OPLAH: variants seen among roughly 807,000 people sequenced by gnomAD.
The protein encoded by OPLAH is 5-oxoprolinase, ATP-hydrolysing.
OPLAH carries 103 observed loss-of-function variants against 122.8 expected under a neutral mutation model. That is an observed-to-expected ratio of 0.84 (90% confidence interval 0.71 to 0.99). The LOEUF is 0.99. Ranked by LOEUF, OPLAH falls within the 50% of genes least tolerant of loss-of-function variation. OPLAH has a pLI of 0.00. For synonymous variants in OPLAH, 875 were observed against 796.0 expected (o/e 1.10, Z -1.67); for missense variants, 1,902 against 1,836.5 (o/e 1.04, Z -0.65).
Position 144,058,622 on chromosome 8 carries a change from G to A in OPLAH, c.657C>T (p.Ser219=), listed in dbSNP as rs1388641286. ...RELGFTHVSL[S]SEAMPMVRIV... is the part of the protein sequence containing the mutation. ...TGCGCACCATGGGCATGGCCTCCGA[G>A]GACAGTGACACGTGCGTGAAGCCCA... The change falls in exon 6 of 27, where the codon TCC becomes TCT. Residue 219 remains serine (S), a synonymous_variant. Transcript: ENST00000618853. 6.2e-7 allele frequency: 1 copy of A among 1,603,270 alleles called. No individual in the cohort carries two copies. The highest frequency in any genetic ancestry group is 1.3e-5 in the African/African-American group (1 of 74,914).
rs781785809 is a variant in OPLAH, at chr8:144,051,950, G to C, written c.3588C>G (p.Thr1196=). ...FREEALLSVL[T]ERRAFRPYGL... is the part of the protein sequence containing the mutation. ...CGTATGGCCGGAAGGCGCGGCGCTC[G>C]GTCAGCACTGACAGCAGCGCCTCCT... The change falls in exon 25 of 27, where the codon ACC becomes ACG. Residue 1196 remains threonine (T), a synonymous_variant. Transcript: ENST00000618853. 13 of 1,556,380 alleles carry C rather than the reference G, an allele frequency of 8.4e-6. No individual in the cohort carries two copies. The highest frequency in any genetic ancestry group is 1.1e-5 in the Non-Finnish European group (13 of 1,159,708).
In OPLAH at chr8:144,052,719, G is replaced by T. The variant is rs782744542; in HGVS notation, c.3153+47C>A. On this transcript the variant is annotated intron_variant, in intron 22 of 26. Coordinates refer to ENST00000618853, the MANE Select transcript of OPLAH (RefSeq NM_017570.5). The stretch of plus-strand genomic sequence containing the variant: ...GGCTGGGCCCAGGAGGCGCACTCAG[G>T]GTGACCTCGGGCTGGGGCCCCCCCT... 1.9e-5 allele frequency: 29 copies of T among 1,551,340 alleles called. No individual in the cohort carries two copies. The East Asian group carries it at 7.0e-4, about 38-fold the overall frequency.
At chr8:144,058,444 AG>A in intron 6 of OPLAH, 40 bp from the exon 7 acceptor site, 1 of 1,576,086 alleles carries the variant, frequency 6.3e-7, no homozygotes, top group Non-Finnish European at 8.6e-7. Flanking sequence ...GGGCAGGCCA[AG>A]GCCCAGGCCC....
At chr8:144,059,830 G>T (rs1426355009) in intron 2 of OPLAH, 32 bp downstream of exon 2, 3 of 1,611,252 alleles carry the variant, frequency 1.9e-6, no homozygotes, top group Non-Finnish European at 2.5e-6. Flanking sequence ...CTGGCCGTGG[G>T]GTCCCTGTCC....
At chr8:144,050,538 G>C (rs1587547228), downstream of OPLAH, 1 of 985,644 alleles carries the variant, frequency 1.0e-6, no homozygotes, top group African/African-American at 1.7e-5. Context: ...TCTCTCTGCA[G>C]ACCACCGGCT....
intron 22 of OPLAH, 78 bp from the exon 23 acceptor site, chr8:144,052,676 C>T (rs1835413276): frequency 1.3e-6 from 2 of 1,535,010 alleles, no homozygotes; most frequent in African/African-American, 2.7e-5. Context: ...CGCCCCAGCA[C>T]CCGTGGGGTC....
chr8:144,057,656 G>C lies in OPLAH; in HGVS notation c.1214C>G (p.Ser405Cys). The C allele has an allele frequency of 6.2e-7, 1 of 1,606,880 alleles. No individual in the cohort carries two copies. Among genetic ancestry groups the C allele is most frequent in the Non-Finnish European group, 8.5e-7 (1 of 1,176,600 alleles). Residue 405 changes from serine to cysteine, a missense_variant, in exon 10 of 27, where the codon TCC becomes TGC. Ser to Cys is a moderately radical substitution (Grantham distance 112). Transcript: ENST00000618853. Reference protein sequence around the residue: ...NLVLGRLLPASFPCIFGPGEN... With the variant: ...NLVLGRLLPACFPCIFGPGEN... The stretch of plus-strand genomic sequence containing the variant: ...TCCCGGCCCAAAAATGCAGGGGAAG[G>C]AGGCAGGCAGCAGGCGACCCAGGAC...
rs375262758 is a variant in OPLAH, at chr8:144,056,239, C to T, written c.2004G>A (p.Glu668=). 177 of 1,611,886 alleles carry T rather than the reference C, an allele frequency of 1.1e-4. 1 individual carries two copies. In the South Asian group the frequency reaches 1.6e-3, roughly 15 times the overall value. The part of the protein sequence containing the change: ...RVDKMTQCYF[E]GGYQETPVYL... The stretch of plus-strand genomic sequence containing the variant: ...ACACAGGGGTCTCCTGGTAGCCCCC[C>T]TCAAAGTAGCACTGGGTCATCTGCA... The change falls in exon 15 of 27, where the codon GAG becomes GAA. Residue 668 remains glutamate (E), a synonymous_variant. Transcript: ENST00000618853.
chr8:144,052,509 G>A lies in OPLAH; in HGVS notation c.3243C>T (p.Leu1081=). Residue 1081 remains leucine, a synonymous_variant, in exon 23 of 27, where the codon CTC becomes CTT. Transcript: ENST00000618853. ...PEAAVVGGNV[L]TSQRVVDVIL... ...TGACATCCACCACGCGCTGCGACGTGAGCACGTTGCCGCCCACCACCGCCG... is the reference window on the plus strand; with the variant it reads ...TGACATCCACCACGCGCTGCGACGTAAGCACGTTGCCGCCCACCACCGCCG... 2 of 1,579,614 alleles carry A rather than the reference G, an allele frequency of 1.3e-6. No individual in the cohort carries two copies. Among genetic ancestry groups the A allele is most frequent in the Admixed American group, 1.8e-5 (1 of 56,582 alleles).
Position 144,055,032 on chromosome 8 carries a change from G to T in OPLAH, c.2406C>A (p.Phe802Leu). 2 of 1,495,700 alleles carry T rather than the reference G, an allele frequency of 1.3e-6. No homozygotes were observed. The highest frequency in any genetic ancestry group is 2.7e-5 in the South Asian group (2 of 75,212). 92.7% of individuals were successfully genotyped at this position (1,495,700 alleles called of 1,614,324 possible). Residue 802 changes from phenylalanine (F) to leucine (L), a missense_variant, in exon 17 of 27, where the codon TTC becomes TTA. Physicochemically the swap from Phe to Leu is conservative, Grantham distance 22. Transcript: ENST00000618853. The surrounding 1 kb of genome is among the most constrained non-coding windows in gnomAD (Gnocchi z 6.5). The part of the protein sequence containing the change: ...HLGAMQETVQ[F>L]QIQHLGADLH... ...GGTGAGGCGGGGGAAGGGCCACCTG[G>T]AACTGCACCGTCTCCTGCATGGCAC...
chr8:144,057,546 G>A lies in OPLAH; in HGVS notation c.1324C>T (p.Pro442Ser), dbSNP rs1554759623. ...TEVNSFLTNG[P>S]CPASPLSLEE... The stretch of plus-strand genomic sequence containing the variant: ...AGGCTCAGCGGGGAGGCCGGGCAGG[G>A]CCCGTTGGTCAGGAAGCTGTTGACC... The change falls in exon 10 of 27, where the codon CCC becomes TCC. Residue 442 changes from proline (P) to serine (S), a missense_variant. Coordinates refer to ENST00000618853, the MANE Select transcript of OPLAH (RefSeq NM_017570.5). 2 of 1,591,374 alleles carry A rather than the reference G, an allele frequency of 1.3e-6. No individual in the cohort carries two copies. Among genetic ancestry groups the A allele is most frequent in the East Asian group, 4.5e-5 (2 of 44,602 alleles).
At position 144,055,201 on chromosome 8, in the gene OPLAH, A is replaced by C; in HGVS notation, c.2249-12T>G. 6.6e-7 allele frequency: 1 copy of C among 1,504,954 alleles called. No homozygotes were observed. The highest frequency in any genetic ancestry group is 8.9e-7 in the Non-Finnish European group (1 of 1,128,008). The allele number at this position is 1,504,954 out of a possible 1,614,324, so 93.2% of individuals were successfully genotyped here. ...GCGGCCCATCTGCTCTAGGAGCACAAAGTGACCAGGCCCGCTGGCCCCACC... is the reference window on the plus strand; with the variant it reads ...GCGGCCCATCTGCTCTAGGAGCACACAGTGACCAGGCCCGCTGGCCCCACC... On this transcript the variant is annotated splice_polypyrimidine_tract_variant and intron_variant, in intron 16 of 26. Coordinates refer to ENST00000618853, the MANE Select transcript of OPLAH (RefSeq NM_017570.5). The surrounding 1 kb of genome is among the most constrained non-coding windows in gnomAD (Gnocchi z 6.5).
rs374624430 is a variant in OPLAH, at chr8:144,053,060, G to A, written c.2941C>T (p.Pro981Ser). The A allele has an allele frequency of 3.7e-6, 6 of 1,601,492 alleles. No individual in the cohort carries two copies. The highest frequency in any genetic ancestry group is 4.3e-6 in the Non-Finnish European group (5 of 1,175,240). Reference protein sequence around the residue: ...FGTSRQARGLPLEVSSEDHMD... With the variant: ...FGTSRQARGLSLEVSSEDHMD... ...TGGTCTTCCGAGGACACCTCCAGGG[G>A]CAGGCCCCGGGCCTGCCGGGAGGTT... The change falls in exon 21 of 27, where the codon CCC becomes TCC. Residue 981 changes from proline to serine, a missense_variant. Around this residue, in one of 3 missense-constraint regions of OPLAH, gnomAD observed 1,726 missense variants for 1,642.1 expected, o/e 1.05. Coordinates refer to ENST00000618853, the MANE Select transcript of OPLAH (RefSeq NM_017570.5).
intron 3 of OPLAH, among the ~76,000 whole-genome samples, chr8:144,059,326 G>A (rs782522235): frequency 1.7e-4 from 26 of 152,214 alleles, no homozygotes; most frequent in Admixed American, 3.3e-4. Flanking sequence ...CAGTAGGTGC[G>A]GGGTTCCACC....
chr8:144,056,831 A>G, intron 12 of OPLAH, 76 bp from the exon 13 acceptor site: 1 of 1,526,438 alleles, frequency 6.6e-7, no homozygotes, highest in South Asian at 1.3e-5. Flanking sequence ...CGGCAAGGAC[A>G]CCTGTTCTGC....
chr8:144,056,492 C>T lies in OPLAH; in HGVS notation c.1876G>A (p.Glu626Lys), dbSNP rs1406135753. 1.3e-5 allele frequency: 21 copies of T among 1,611,614 alleles called. No homozygotes were observed. Among genetic ancestry groups the T allele is most frequent in the Non-Finnish European group, 1.6e-5 (19 of 1,179,330 alleles). The change falls in exon 14 of 27, where the codon GAG (glutamate) becomes AAG (lysine). Residue 626 changes from glutamate to lysine, a missense_variant. Around this residue, in one of 3 missense-constraint regions of OPLAH, gnomAD observed 1,726 missense variants for 1,642.1 expected, o/e 1.05. Coordinates refer to ENST00000618853, the MANE Select transcript of OPLAH (RefSeq NM_017570.5). Reference protein sequence around the residue: ...YMREFGFVIPERPVVVDDVRV... With the variant: ...YMREFGFVIPKRPVVVDDVRV... ...ACATCGTCCACGACCACCGGCCGCT[C>T]AGGTATGACAAAGCCAAACTCCCTC...
upstream of OPLAH, among the ~76,000 whole-genome samples, chr8:144,061,750 C>T (rs1298024907): frequency 6.6e-6 from 1 of 152,138 alleles, no homozygotes; most frequent in African/African-American, 2.4e-5. Context: ...CGGCCTGGCA[C>T]GGTGGCTCAC....
rs782683650 is a variant in OPLAH, at chr8:144,056,233, G to T, written c.2010C>A (p.Gly670=). The T allele has an allele frequency of 6.2e-7, 1 of 1,611,910 alleles. No homozygotes were observed. The highest frequency in any genetic ancestry group is 2.2e-5 in the East Asian group (1 of 44,840). ...GCAGGTACACAGGGGTCTCCTGGTA[G>T]CCCCCCTCAAAGTAGCACTGGGTCA... ...DKMTQCYFEG[G]YQETPVYLLA... The change falls in exon 15 of 27, where the codon GGC becomes GGA. Residue 670 remains glycine, a synonymous_variant. Transcript: ENST00000618853.
chr8:144,053,248 G>A lies in OPLAH; in HGVS notation c.2832C>T (p.Tyr944=), dbSNP rs61732533. Residue 944 remains tyrosine (Y), a synonymous_variant, in exon 20 of 27, where the codon TAC becomes TAT. Transcript: ENST00000618853. ...TGTAGGCCTGCACCACGTCCAGGCCGTACTGCCCAATGAGCTCCCCCACCA... is the reference window on the plus strand; with the variant it reads ...TGTAGGCCTGCACCACGTCCAGGCCATACTGCCCAATGAGCTCCCCCACCA... ...IQLVGELIGQ[Y]GLDVVQAYMG... 0.042 allele frequency: 67,575 copies of A among 1,612,872 alleles called. 1,654 individuals carry two copies. Among genetic ancestry groups the A allele is most frequent in the Non-Finnish European group, 0.05 (58,854 of 1,179,776 alleles).
Sources: allele counts gnomAD v4.1 joint callset (sites outside exome capture counted in the v4.1 genomes callset), GRCh38; gene constraint gnomAD v4.1.1; regional missense constraint gnomAD v4.1.1; non-coding constraint Gnocchi (gnomAD v3.1); transcripts MANE v1.5; gene names NCBI Gene and HGNC (gene_info 2026-07-23, HGNC 2026-07-21).